The following YAF2 variants were observed in gnomAD, a reference collection of about 807,000 sequenced individuals.
The protein encoded by YAF2 is YY1 associated factor 2.
In YAF2, 7 loss-of-function variants were observed where a neutral mutation model predicts 20.1. That is an observed-to-expected ratio of 0.35 (90% CI 0.20 to 0.65). The LOEUF (loss-of-function observed/expected upper bound fraction) is 0.65, where lower values mean the gene tolerates loss of function less well. Ranked by LOEUF, YAF2 falls within the 30% of genes least tolerant of loss-of-function variation. The probability of loss-of-function intolerance (pLI) is 0.69; values close to 1 mark genes in which losing one functional copy is unlikely to be tolerated. For synonymous variants in YAF2, 74 were observed against 76.0 expected (o/e 0.97, Z 0.14); for missense variants, 151 against 219.2 (o/e 0.69, Z 1.96).
chr12:42,171,704 A>G (rs1310165499), intron 2 of YAF2, among the ~76,000 whole-genome samples: 1 of 152,012 alleles, frequency 6.6e-6, no homozygotes, highest in Non-Finnish European at 1.5e-5. Context: ...CTATAATCCT[A>G]ACACTTTGGA....
intron 2 of YAF2, among the ~76,000 whole-genome samples, chr12:42,211,769 C>A (rs971017427): frequency 3.5e-4 from 53 of 150,076 alleles, no homozygotes; most frequent in Non-Finnish European, 6.6e-4. Context: ...AAAAAGTCAG[C>A]CAGGCACGGT....
chr12:42,185,046 C>A (rs116074000), intron 2 of YAF2, among the ~76,000 whole-genome samples: 1 of 152,164 alleles, frequency 6.6e-6, no homozygotes, highest in Non-Finnish European at 1.5e-5. Flanking sequence ...GGCTTGGTGG[C>A]GCATGGCTGT....
intron 1 of YAF2, 187 bp from the exon 2 acceptor site, chr12:42,237,911 G>T: frequency 4.0e-6 from 2 of 499,542 alleles, no homozygotes; most frequent in Non-Finnish European, 5.3e-6. Flanking sequence ...GCGCGAGCGC[G>T]GCCGCAGTCG....
chr12:42,194,333 C>A (rs940288956), intron 2 of YAF2, among the ~76,000 whole-genome samples: 1 of 152,138 alleles, frequency 6.6e-6, no homozygotes, highest in African/African-American at 2.4e-5. Context: ...CTCTATGATA[C>A]AAGTTGTGAA....
At chr12:42,225,930 T>C (rs1432336788) in intron 2 of YAF2, among the ~76,000 whole-genome samples, 2 of 152,222 alleles carry the variant, frequency 1.3e-5, no homozygotes, top group African/African-American at 4.8e-5. Flanking sequence ...AATGGTAGCT[T>C]GATGGGGACA....
intron 2 of YAF2, among the ~76,000 whole-genome samples, chr12:42,192,052 A>C (rs1257361971): frequency 3.3e-5 from 5 of 151,654 alleles, no homozygotes; most frequent in Admixed American, 2.0e-4. Flanking sequence ...AAAAAAAAAA[A>C]ACAAAACATA....
rs1361879581 is a variant in YAF2, at chr12:42,172,944, A to T, written c.153-11179T>A. On this transcript the variant is annotated intron_variant, in intron 2 of 3. Coordinates refer to ENST00000534854, the MANE Select transcript of YAF2 (RefSeq NM_005748.6). Reference sequence around the variant, plus strand: ...TTTATATAAAATGTCCAAAATAGGCAAATTCATAGAAACAGGAAGTAGACC... The same window carrying T: ...TTTATATAAAATGTCCAAAATAGGCTAATTCATAGAAACAGGAAGTAGACC... Among the ~76,000 whole-genome samples, 2 of 152,208 alleles carry T rather than the reference A, an allele frequency of 1.3e-5. 1 individual carries two copies. Among genetic ancestry groups the T allele is most frequent in the Non-Finnish European group, 2.9e-5 (2 of 68,042 alleles).
intron 2 of YAF2, among the ~76,000 whole-genome samples, chr12:42,164,538 G>A (rs12228932): frequency 0.21 from 31,586 of 151,824 alleles, 3,401 homozygotes; most frequent in Admixed American, 0.25. Flanking sequence ...TGAAAGAAAG[G>A]AAAGAAAGAA....
At chr12:42,187,179 C>G (rs1198660049) in intron 2 of YAF2, among the ~76,000 whole-genome samples, 9 of 151,994 alleles carry the variant, frequency 5.9e-5, no homozygotes, top group Non-Finnish European at 1.3e-4. Flanking sequence ...GACTGACCAA[C>G]AGCGTTTTGC....
chr12:42,175,772 T>TAAAAAAAAAAAAAAAAAA (rs1277338221), intron 2 of YAF2, among the ~76,000 whole-genome samples: 49 of 88,816 alleles, frequency 5.5e-4, no homozygotes, highest in Non-Finnish European at 1.0e-3. Flanking sequence ...AAAAAAAAAT[T>TAAAAAAAAAAAAAAAAAA]AAAACAGGAA....
At chr12:42,215,836 C>T (rs1026269505) in intron 2 of YAF2, among the ~76,000 whole-genome samples, 1 of 152,074 alleles carries the variant, frequency 6.6e-6, no homozygotes, top group Non-Finnish European at 1.5e-5. Context: ...GCAGGAGAAT[C>T]ACTTGAAACC....
chr12:42,234,155 A>T, intron 2 of YAF2: 2 of 955,974 alleles, frequency 2.1e-6, no homozygotes, highest in Non-Finnish European at 2.5e-6. Flanking sequence ...TGGGCGACAG[A>T]GCAAGACTGT....
chr12:42,233,871 T>C (rs2068054136), intron 2 of YAF2: 1 of 985,398 alleles, frequency 1.0e-6, no homozygotes, highest in Non-Finnish European at 1.2e-6. Flanking sequence ...TTTCTTGCCT[T>C]ATAAGAATCT....
intron 2 of YAF2, among the ~76,000 whole-genome samples, chr12:42,190,118 G>A (rs1356635519): frequency 6.6e-5 from 10 of 152,194 alleles, no homozygotes; most frequent in Admixed American, 6.5e-4. Context: ...TAAGGCCAAA[G>A]GATTACTTGA....
chr12:42,235,597 T>C, intron 2 of YAF2: 1 of 1,444,920 alleles, frequency 6.9e-7, no homozygotes, highest in South Asian at 1.5e-5. Context: ...GAGAGGGTCG[T>C]GGTGTAGAAC....
At chr12:42,218,186 ACACACACACACACACAC>A in intron 2 of YAF2, among the ~76,000 whole-genome samples, 1 of 5,334 alleles carries the variant, frequency 1.9e-4, no homozygotes, top group East Asian at 5.6e-3. Flanking sequence ...CTACTAGGAA[ACACACACACACACACAC>A]ACACACACAC....
intron 2 of YAF2, chr12:42,232,764 G>C: frequency 1.0e-6 from 1 of 985,220 alleles, no homozygotes; most frequent in South Asian, 4.7e-5. Context: ...CCAGATGATA[G>C]TTGGTTTAAG....
At chr12:42,228,579 CG>C (rs2067857420) in intron 2 of YAF2, among the ~76,000 whole-genome samples, 1 of 70,820 alleles carries the variant, frequency 1.4e-5, no homozygotes, top group African/African-American at 9.2e-5. Flanking sequence ...CCCCTCTGCC[CG>C]GCCAGCCGCC....
intron 2 of YAF2, among the ~76,000 whole-genome samples, chr12:42,190,927 A>G (rs2066596804): frequency 6.6e-6 from 1 of 151,706 alleles, no homozygotes. Context: ...AGCTTTCTTT[A>G]TAATACAATG....
Sources: gnomAD v4.1 joint callset for allele counts (sites outside exome capture counted in the v4.1 genomes callset) on GRCh38, gnomAD v4.1.1 for gene constraint, MANE v1.5 for transcripts, NCBI Gene and HGNC (gene_info 2026-07-23, HGNC 2026-07-21) for gene names.